CSMD3: variants seen among roughly 807,000 people sequenced by gnomAD.
The protein encoded by CSMD3 is CUB and Sushi multiple domains 3.
CSMD3 carries 177 observed loss-of-function variants against 435.2 expected under a neutral mutation model. That is an observed-to-expected ratio of 0.41 (90% CI 0.36 to 0.46). The LOEUF (loss-of-function observed/expected upper bound fraction) is 0.46. CSMD3 is among the 20% of genes least tolerant of loss of function. CSMD3 has a pLI of 0.34. For synonymous variants in CSMD3, 1,656 were observed against 1,520.5 expected (o/e 1.09, Z -2.07); for missense variants, 4,265 against 4,504.6 (o/e 0.95, Z 1.52).
At chr8:112,508,356 T>G (rs1010878768) in intron 28 of CSMD3, among the ~76,000 whole-genome samples, 1 of 152,186 alleles carries the variant, frequency 6.6e-6, no homozygotes, top group Non-Finnish European at 1.5e-5. Flanking sequence ...GTCACCCTCT[T>G]GTTTATGGCA....
intron 2 of CSMD3, among the ~76,000 whole-genome samples, chr8:113,291,552 T>C (rs1484106198): frequency 2.6e-5 from 4 of 151,810 alleles, no homozygotes. Context: ...TCGATAAGGC[T>C]AGTAGATAGA....
At chr8:112,629,329 G>A (rs1457833195) in intron 22 of CSMD3, among the ~76,000 whole-genome samples, 6 of 152,144 alleles carry the variant, frequency 3.9e-5, no homozygotes, top group South Asian at 2.1e-4. Flanking sequence ...AGCCTCCCCA[G>A]TGGCTGAGAC....
chr8:112,433,654 C>CAAAAAAAAAAAAAAAAAAAA (rs35572894), intron 32 of CSMD3, among the ~76,000 whole-genome samples: 5 of 93,178 alleles, frequency 5.4e-5, no homozygotes, highest in African/African-American at 7.8e-5. Flanking sequence ...GAGAACCTGT[C>CAAAAAAAAAAAAAAAAAAAA]AAAAAAAAAA....
At chr8:113,024,906 T>C (rs1024439593) in intron 5 of CSMD3, among the ~76,000 whole-genome samples, 4 of 152,130 alleles carry the variant, frequency 2.6e-5, no homozygotes, top group African/African-American at 9.7e-5. Context: ...CAAGCATCCA[T>C]TGTCTATCAT....
intron 12 of CSMD3, among the ~76,000 whole-genome samples, chr8:112,818,184 C>T (rs1286829084): frequency 2.6e-5 from 4 of 151,716 alleles, no homozygotes; most frequent in African/African-American, 9.7e-5. Context: ...CTTATATTTA[C>T]AATACTTAAT....
intron 12 of CSMD3, among the ~76,000 whole-genome samples, chr8:112,804,655 A>T (rs1965693): frequency 0.21 from 1,756 of 8,358 alleles, 13 homozygotes; most frequent in East Asian, 0.42. Context: ...CATTGCATTT[A>T]TTTTATTTTA....
At chr8:112,441,416 T>A (rs1354121006) in intron 32 of CSMD3, among the ~76,000 whole-genome samples, 2 of 152,166 alleles carry the variant, frequency 1.3e-5, no homozygotes, top group Non-Finnish European at 2.9e-5. Context: ...TTCCAAACTT[T>A]CCCACATTGT....
intron 13 of CSMD3, among the ~76,000 whole-genome samples, chr8:112,767,719 TA>T (rs1236929735): frequency 6.6e-6 from 1 of 151,854 alleles, no homozygotes; most frequent in Non-Finnish European, 1.5e-5. Context: ...CTCTTCTGTA[TA>T]TGATTATCCA....
intron 5 of CSMD3, among the ~76,000 whole-genome samples, chr8:113,062,477 ACCTTGT>A (rs1300656798): frequency 1.3e-5 from 2 of 151,910 alleles, no homozygotes; most frequent in African/African-American, 2.4e-5. Flanking sequence ...GATGAAAAGC[ACCTTGT>A]ATTTTGTCTG....
At chr8:113,347,279 T>C (rs1467849930) in intron 1 of CSMD3, among the ~76,000 whole-genome samples, 1 of 152,250 alleles carries the variant, frequency 6.6e-6, no homozygotes, top group East Asian at 1.9e-4. Context: ...TTTCCCTTTT[T>C]TTCTTTGTAT....
intron 7 of CSMD3, among the ~76,000 whole-genome samples, chr8:112,970,000 A>G (rs558259177): frequency 7.9e-4 from 120 of 152,188 alleles, no homozygotes; most frequent in Non-Finnish European, 1.3e-3. Context: ...TGAATCTTGA[A>G]TGAATCAATA....
At chr8:113,163,280 C>G (rs1247709357) in intron 4 of CSMD3, among the ~76,000 whole-genome samples, 2 of 151,886 alleles carry the variant, frequency 1.3e-5, no homozygotes, top group Non-Finnish European at 2.9e-5. Flanking sequence ...AAATATGCAA[C>G]TGCATTGTCA....
intron 27 of CSMD3, among the ~76,000 whole-genome samples, chr8:112,525,973 C>T (rs961168220): frequency 6.9e-5 from 10 of 144,468 alleles, no homozygotes; most frequent in Admixed American, 3.5e-4. Flanking sequence ...TACTAAAATA[C>T]TAAAGTTTCA....
chr8:113,156,014 G>A (rs1429488941), intron 4 of CSMD3, among the ~76,000 whole-genome samples: 1 of 151,822 alleles, frequency 6.6e-6, no homozygotes, highest in Non-Finnish European at 1.5e-5. Context: ...GATTGTGGGT[G>A]GTCACTCATT....
intron 10 of CSMD3, among the ~76,000 whole-genome samples, chr8:112,905,321 TACACAC>T: frequency 6.9e-6 from 1 of 145,688 alleles, no homozygotes; most frequent in South Asian, 2.2e-4. Flanking sequence ...TATATATATA[TACACAC>T]ACACACACAC....
intron 58 of CSMD3, among the ~76,000 whole-genome samples, 173 bp downstream of exon 58, chr8:112,286,891 G>A (rs1484398641): frequency 3.9e-5 from 6 of 151,920 alleles, no homozygotes; most frequent in Admixed American, 2.0e-4. Context: ...AAAAATTATC[G>A]GTTATAGTTA....
At chr8:112,891,162 AGTCTCACTACTCGATGTGT>A (rs2081776502) in intron 10 of CSMD3, among the ~76,000 whole-genome samples, 6 of 151,574 alleles carry the variant, frequency 4.0e-5, no homozygotes, top group Admixed American at 4.0e-4. Flanking sequence ...CTTTTCCTTT[AGTCTCACTACTCGATGTGT>A]GATCTGCAGC....
rs761601288 is a variant in CSMD3, at chr8:112,237,301, T to C, written c.10516A>G (p.Asn3506Asp). 2.5e-6 allele frequency: 4 copies of C among 1,613,260 alleles called. No homozygotes were observed. The South Asian group carries it at 4.4e-5, about 18-fold the overall frequency. The part of the protein sequence containing the change: ...AQNYIWKGSY[N>D]FKGRKQPMTL... ...ATGGGTTGTTTCCTTCCTTTGAAAT[T>C]GTAAGAGCCTTTCCATATATAATTT... Residue 3506 changes from asparagine (N) to aspartate (D), a missense_variant, in exon 67 of 71, where the codon AAT (asparagine) becomes GAT (aspartate). Asn to Asp is a conservative substitution (Grantham distance 23). This residue lies in a region of CSMD3 where 3,255 missense variants were observed against 3,380.2 expected (regional missense o/e 0.96). Coordinates refer to ENST00000297405, the MANE Select transcript of CSMD3 (RefSeq NM_198123.2).
intron 12 of CSMD3, 63 bp from the exon 13 acceptor site, chr8:112,800,337 A>G (rs1053855070): frequency 2.9e-6 from 3 of 1,032,586 alleles, no homozygotes; most frequent in Non-Finnish European, 4.6e-6. Context: ...CATACAAATT[A>G]TAAGACAGAT....
Sources: allele counts gnomAD v4.1 joint callset (sites outside exome capture counted in the v4.1 genomes callset), GRCh38; gene constraint gnomAD v4.1.1; regional missense constraint gnomAD v4.1.1; transcripts MANE v1.5; gene names NCBI Gene and HGNC (gene_info 2026-07-23, HGNC 2026-07-21).